Variants in CELF2 observed in about 807,000 individuals in gnomAD.
CELF2 encodes the protein CUG triplet repeat RNA-binding protein 2.
Under a neutral mutation model 62.6 loss-of-function variants are expected in CELF2, and 8 were observed. That is an observed-to-expected ratio of 0.13 (90% CI 0.07 to 0.23). The LOEUF (loss-of-function observed/expected upper bound fraction) is 0.23. Among genes scored for constraint, CELF2 ranks in the 10% least tolerant of loss-of-function variants. The probability of loss-of-function intolerance (pLI) is 1.00; values close to 1 mark genes in which losing one functional copy is unlikely to be tolerated. For missense variants in CELF2, 333 were observed against 671.0 expected (o/e 0.50, Z 5.56); for synonymous variants, 258 against 250.0 (o/e 1.03, Z -0.30).
chr10:11,178,601 T>C lies in CELF2; in HGVS notation c.271+12919T>C, dbSNP rs1051756171. Among the ~76,000 whole-genome samples, 1 of 152,272 alleles carries C rather than the reference T, an allele frequency of 6.6e-6. No homozygotes were observed. The highest frequency in any genetic ancestry group is 2.4e-5 in the African/African-American group (1 of 41,476). ...TTAAGTGGGACATGTCAGGCTTTTA[T>C]GCCACAGATTAAACTCCAAGGCAAA... is the stretch of plus-strand genomic sequence containing the variant. On this transcript the variant is annotated intron_variant, in intron 2 of 12. Coordinates refer to ENST00000633077, the MANE Select transcript of CELF2 (RefSeq NM_001326342.2). This position sits in a 1 kb window ranked among gnomAD's most constrained non-coding sequence, Gnocchi z 4.3.
At chr10:10,561,041 A>T in the CELF2 span, among the ~76,000 whole-genome samples, 5 of 152,274 alleles carry the variant, frequency 3.3e-5, 1 homozygote, top group South Asian at 6.2e-4. Context: ...GGGGTGACAG[A>T]TAAAAGATAT....
At chr10:10,834,483 G>T (rs2058117405) in intron 1 of CELF2, among the ~76,000 whole-genome samples, 1 of 152,112 alleles carries the variant, frequency 6.6e-6, no homozygotes, top group Non-Finnish European at 1.5e-5. Flanking sequence ...GGTGAGCTGG[G>T]CTCAAAAACA....
At chr10:10,635,149 T>C in the CELF2 span, among the ~76,000 whole-genome samples, 1 of 152,200 alleles carries the variant, frequency 6.6e-6, no homozygotes, top group Non-Finnish European at 1.5e-5. Flanking sequence ...CAGATAATTC[T>C]ACTGCATCCC....
chr10:10,632,080 C>T, the CELF2 span, among the ~76,000 whole-genome samples: 2 of 152,316 alleles, frequency 1.3e-5, no homozygotes, highest in Non-Finnish European at 2.9e-5. Flanking sequence ...CTCAAAGTGA[C>T]CCATCCTCAT....
intron 2 of CELF2, chr10:10,923,016 A>G (rs1237904615): frequency 6.6e-6 from 1 of 152,206 alleles, no homozygotes; most frequent in Non-Finnish European, 1.5e-5. Context: ...ACAGTCTCGT[A>G]GAATTCCATC....
At chr10:11,147,783 T>C (rs774518325) in intron 1 of CELF2, among the ~76,000 whole-genome samples, 3 of 152,234 alleles carry the variant, frequency 2.0e-5, no homozygotes, top group Non-Finnish European at 2.9e-5. Context: ...CTCCACGGCA[T>C]AGAGTTGAGA....
chr10:10,881,560 A>C (rs1458620722), intron 1 of CELF2, among the ~76,000 whole-genome samples: 3 of 152,210 alleles, frequency 2.0e-5, no homozygotes, highest in African/African-American at 7.2e-5. Context: ...CATTTTTCAT[A>C]TGTAACTCAG....
In CELF2 at chr10:11,290,640, TG is replaced by T. The variant is rs2092386974; in HGVS notation, c.976+2090del. ...TTTCAATTTCTTCCTGAGACTGCAG[TG>T]GAGGAAAATGTGTTGTGGGATGAGC... On this transcript the variant is annotated intron_variant, in intron 9 of 12. Transcript: ENST00000633077. This position sits in a 1 kb window ranked among gnomAD's most constrained non-coding sequence, Gnocchi z 4.3. 6.6e-6 allele frequency among the ~76,000 whole-genome samples: 1 copy of T among 152,146 alleles called. No individual in the cohort carries two copies. Among genetic ancestry groups the T allele is most frequent in the Non-Finnish European group, 1.5e-5 (1 of 68,026 alleles).
chr10:10,802,890 G>C (rs552017628), intron 1 of CELF2, among the ~76,000 whole-genome samples: 23 of 152,188 alleles, frequency 1.5e-4, no homozygotes, highest in Middle Eastern at 3.4e-3. Flanking sequence ...AGCTCAACAG[G>C]TTATAAACTC....
chr10:11,330,715 A>G lies in CELF2; in HGVS notation c.*1662A>G, dbSNP rs558462631. ...TTATTATTAGACAAATTCATTATAG[A>G]AAAAACCTGTGGCAAAAACGTTTCT... On this transcript the variant is annotated 3_prime_UTR_variant, in exon 13 of 13. Transcript: ENST00000633077. This position sits in a 1 kb window ranked among gnomAD's most constrained non-coding sequence, Gnocchi z 4.5. 10 of 152,598 alleles carry G rather than the reference A, an allele frequency of 6.6e-5. No homozygotes were observed. Among genetic ancestry groups the G allele is most frequent in the Non-Finnish European group, 1.5e-4 (10 of 68,012 alleles). 9.5% of individuals were successfully genotyped at this position (152,598 alleles called of 1,614,324 possible).
At chr10:10,901,010 A>AAAC (rs2062901337) in intron 1 of CELF2, among the ~76,000 whole-genome samples, 1 of 152,212 alleles carries the variant, frequency 6.6e-6, no homozygotes, top group African/African-American at 2.4e-5. Context: ...TGAAAACACA[A>AAAC]AACATTGTGG....
chr10:10,701,472 T>C, the CELF2 span, among the ~76,000 whole-genome samples: 1 of 152,238 alleles, frequency 6.6e-6, no homozygotes, highest in African/African-American at 2.4e-5. Flanking sequence ...TGTCAACCAT[T>C]TGCAACTGTA....
the CELF2 span, among the ~76,000 whole-genome samples, chr10:10,725,324 G>T: frequency 1.6e-4 from 24 of 152,294 alleles, no homozygotes; most frequent in African/African-American, 5.3e-4. Context: ...GTTTGACAGG[G>T]TGATAAACAA....
chr10:10,662,141 G>C, the CELF2 span, among the ~76,000 whole-genome samples: 199 of 152,144 alleles, frequency 1.3e-3, 1 homozygote, highest in African/African-American at 4.5e-3. Flanking sequence ...CTGGTAAAAG[G>C]GTCTGAGCGG....
rs145927754 is a variant in CELF2, at chr10:11,136,127, G to A, written c.75-29359G>A. On this transcript the variant is annotated intron_variant, in intron 1 of 12. Transcript: ENST00000633077. ...GAGAAATGCAATTCAACCTTGGATT[G>A]GAAGGTTCAGAAAGACAACTGGAAA... is the stretch of plus-strand genomic sequence containing the variant. Among the ~76,000 whole-genome samples the A allele has an allele frequency of 1.4e-3, 213 of 152,286 alleles. 1 individual carries two copies. The highest frequency in any genetic ancestry group is 5.0e-3 in the African/African-American group (207 of 41,558).
chr10:11,142,510 C>G (rs928492409), intron 1 of CELF2, among the ~76,000 whole-genome samples: 1 of 151,752 alleles, frequency 6.6e-6, no homozygotes, highest in Non-Finnish European at 1.5e-5. Context: ...CAGTGAAACC[C>G]CATCTCTACT....
intron 1 of CELF2, among the ~76,000 whole-genome samples, chr10:11,043,321 A>G (rs1259520913): frequency 6.6e-6 from 1 of 152,240 alleles, no homozygotes; most frequent in African/African-American, 2.4e-5. Context: ...ATTCACTGCA[A>G]CATTGCATTT....
At chr10:10,729,453 C>A in the CELF2 span, among the ~76,000 whole-genome samples, 1 of 152,134 alleles carries the variant, frequency 6.6e-6, no homozygotes, top group African/African-American at 2.4e-5. Context: ...TCTCAGAAAG[C>A]AACATGCCAA....
At chr10:11,204,844 A>C (rs2135410126) in intron 2 of CELF2, among the ~76,000 whole-genome samples, 1 of 152,288 alleles carries the variant, frequency 6.6e-6, no homozygotes, top group Admixed American at 6.5e-5. Context: ...CCCAGTGTTA[A>C]CTGCTTTTGT....
Sources: allele counts gnomAD v4.1 joint callset (sites outside exome capture counted in the v4.1 genomes callset), GRCh38; gene constraint gnomAD v4.1.1; non-coding constraint Gnocchi (gnomAD v3.1); transcripts MANE v1.5; gene names NCBI Gene and HGNC (gene_info 2026-07-23, HGNC 2026-07-21).